DNAI3: variants seen among roughly 807,000 people sequenced by gnomAD.
DNAI3 encodes the protein dynein axonemal intermediate chain 3, also known as WD repeat domain 63.
In DNAI3, 83 loss-of-function variants were observed where a neutral mutation model predicts 115.5. The ratio of observed to expected loss-of-function variants is 0.72; its 90% CI spans 0.60 to 0.86. The LOEUF is 0.86. Ranked by LOEUF, DNAI3 falls within the 40% of genes least tolerant of loss-of-function variation. The pLI is 0.00. For missense variants in DNAI3, 1,004 were observed against 1,075.8 expected (o/e 0.93, Z 0.93); for synonymous variants, 320 against 347.0 (o/e 0.92, Z 0.86).
At position 85,132,848 on chromosome 1, in the gene DNAI3, C is replaced by G. The variant is rs1192132734; in HGVS notation, c.2533-7C>G. 19 of 1,610,386 alleles carry G rather than the reference C, an allele frequency of 1.2e-5. No individual in the cohort carries two copies. Among genetic ancestry groups the G allele is most frequent in the Non-Finnish European group, 1.6e-5 (19 of 1,178,848 alleles). On this transcript the variant is annotated splice_polypyrimidine_tract_variant and splice_region_variant and intron_variant, in intron 22 of 22. Transcript: ENST00000294664. Reference sequence around the variant, plus strand: ...ATAGGGATGTCTTGTTTTTCTTCCCCCCCCAGAAAACATATCAGAAGTCAA... The same window carrying G: ...ATAGGGATGTCTTGTTTTTCTTCCCGCCCCAGAAAACATATCAGAAGTCAA...
chr1:85,121,899 C>T (rs1030361322), intron 18 of DNAI3, 85 bp downstream of exon 18: 2 of 1,455,858 alleles, frequency 1.4e-6, no homozygotes, highest in Non-Finnish European at 1.9e-6. Context: ...TACAGAGTCA[C>T]CCTGGTCTTG....
intron 15 of DNAI3, among the ~76,000 whole-genome samples, chr1:85,109,236 GCTCT>G (rs976760370): frequency 1.3e-5 from 2 of 152,168 alleles, no homozygotes; most frequent in African/African-American, 4.8e-5. Context: ...AAACTTGATG[GCTCT>G]CTTTCTTTAG....
chr1:85,071,902 A>C lies in DNAI3; in HGVS notation c.-14-26A>C, dbSNP rs200629698. 7 of 1,581,154 alleles carry C rather than the reference A, an allele frequency of 4.4e-6. No homozygotes were observed. The Admixed American group carries it at 7.8e-5, about 18-fold the overall frequency. On this transcript the variant is annotated intron_variant, in intron 1 of 22. Coordinates refer to ENST00000294664, the MANE Select transcript of DNAI3 (RefSeq NM_145172.5). ...AGTTGTTTGCAAATTGTAACAATTT[A>C]CTAATAATATCATCTCTTTATGCAG...
intron 7 of DNAI3, among the ~76,000 whole-genome samples, chr1:85,089,805 G>A (rs1316600): frequency 1.3e-5 from 2 of 152,040 alleles, no homozygotes; most frequent in African/African-American, 2.4e-5. Flanking sequence ...AATAATTGAC[G>A]AATCTGGGTG....
intron 12 of DNAI3, among the ~76,000 whole-genome samples, chr1:85,098,193 G>A (rs1655184393): frequency 6.6e-6 from 1 of 152,152 alleles, no homozygotes; most frequent in South Asian, 2.1e-4. Context: ...CAGTTCTTCA[G>A]CCTTAACATC....
At chr1:85,113,347 TG>T (rs1373408071) in intron 16 of DNAI3, among the ~76,000 whole-genome samples, 2 of 152,238 alleles carry the variant, frequency 1.3e-5, no homozygotes, top group Non-Finnish European at 1.5e-5. Flanking sequence ...TCTAGTTTTA[TG>T]GTTTTACATT....
At chr1:85,075,082 T>A (rs2027365) in intron 3 of DNAI3, among the ~76,000 whole-genome samples, 28,268 of 152,074 alleles carry the variant, frequency 0.19, 2,771 homozygotes, top group South Asian at 0.26. Flanking sequence ...TTTGTAGAGA[T>A]GGGTTCTTGT....
chr1:85,099,906 A>C (rs1224148645), intron 13 of DNAI3, among the ~76,000 whole-genome samples: 12 of 152,146 alleles, frequency 7.9e-5, no homozygotes, highest in Non-Finnish European at 1.8e-4. Flanking sequence ...TGCTGGGAAA[A>C]CTGGCTAGCC....
Position 85,128,747 on chromosome 1 carries a change from C to G in DNAI3, c.2357C>G (p.Thr786Arg), listed in dbSNP as rs140503763. The G allele has an allele frequency of 5.9e-4, 949 of 1,612,606 alleles. 14 individuals are homozygous for G. In the Middle Eastern group the frequency reaches 7.9e-3, roughly 13 times the overall value. The change falls in exon 21 of 23, where the codon ACA becomes AGA. Residue 786 changes from threonine to arginine, a missense_variant. By Grantham distance (71) the Thr-to-Arg change is moderately conservative. Transcript: ENST00000294664. ...QFIATADYYG[T>R]LHILEIPWTL... ...ATAGCCACAGCTGATTATTATGGAA[C>G]ACTGCATATATTAGAAATTCCTTGG...
At chr1:85,116,639 T>G (rs1655825621) in intron 16 of DNAI3, among the ~76,000 whole-genome samples, 1 of 152,242 alleles carries the variant, frequency 6.6e-6, no homozygotes, top group Admixed American at 6.5e-5. Flanking sequence ...ATACATTAAA[T>G]GGGTACAAAA....
intron 22 of DNAI3, 161 bp downstream of exon 22, chr1:85,130,273 C>A: frequency 9.6e-7 from 1 of 1,043,930 alleles, no homozygotes; most frequent in Admixed American, 2.8e-5. Flanking sequence ...TCCTAGCTCA[C>A]TGCCAGTTAG....
At chr1:85,103,015 G>A (rs1287817306) in intron 13 of DNAI3, among the ~76,000 whole-genome samples, 3 of 152,138 alleles carry the variant, frequency 2.0e-5, no homozygotes, top group South Asian at 4.2e-4. Context: ...ATGAGTGGAA[G>A]TTGGTAGTTC....
chr1:85,109,910 A>C (rs768643880), intron 15 of DNAI3, 138 bp from the exon 16 acceptor site: 2 of 709,042 alleles, frequency 2.8e-6, no homozygotes, highest in Non-Finnish European at 4.6e-6. Flanking sequence ...TAGAAATTTG[A>C]GGGAGGAAAG....
intron 1 of DNAI3, 109 bp from the exon 2 acceptor site, chr1:85,071,819 T>A (rs4907131): frequency 0.87 from 991,071 of 1,135,430 alleles, 434,352 homozygotes; most frequent in South Asian, 0.91. Context: ...CCAGGGTAAA[T>A]CTTAGAAAAC....
chr1:85,110,155 T>TA lies in DNAI3; in HGVS notation c.1786+34dup, dbSNP rs376334573. 0.027 allele frequency: 37,171 copies of TA among 1,361,056 alleles called. 22 individuals carry two copies. The highest frequency in any genetic ancestry group is 0.046 in the African/African-American group (3,024 of 65,472). The allele number at this position is 1,361,056 out of a possible 1,614,324, so 84.3% of individuals were successfully genotyped here. On this transcript the variant is annotated intron_variant, in intron 16 of 22. Transcript: ENST00000294664. ...CACAAGGTAACTGCCTTTGCTTATT[T>TA]AAAAAAAAAAAAAAGGCCGGGCGCG...
chr1:85,095,881 A>C, intron 10 of DNAI3, 50 bp from the exon 11 acceptor site: 2,323 of 1,281,156 alleles, frequency 1.8e-3, no homozygotes, highest in Non-Finnish European at 2.4e-3. Context: ...TCTCGCCATG[A>C]TCTTAATCTC....
At position 85,132,123 on chromosome 1, in the gene DNAI3, C is replaced by T. The variant is rs1027963903; in HGVS notation, c.2533-732C>T. ...AACTAATGTTAGTCAGAAATGTCTC[C>T]TTCTAAGCAACGGCTGATAAAGGGG... On this transcript the variant is annotated intron_variant, in intron 22 of 22. Coordinates refer to ENST00000294664, the MANE Select transcript of DNAI3 (RefSeq NM_145172.5). 3.3e-5 allele frequency among the ~76,000 whole-genome samples: 5 copies of T among 152,194 alleles called. No homozygotes were observed. In the East Asian group the frequency reaches 9.6e-4, roughly 29 times the overall value.
intron 18 of DNAI3, among the ~76,000 whole-genome samples, chr1:85,122,453 A>C (rs1218679787): frequency 6.6e-6 from 1 of 152,230 alleles, no homozygotes; most frequent in African/African-American, 2.4e-5. Context: ...TATCTCTAGC[A>C]GGCTCAGAGC....
In DNAI3 at chr1:85,084,714, A is replaced by T. The variant is rs762335281; in HGVS notation, c.540+19A>T. The T allele has an allele frequency of 5.5e-6, 8 of 1,444,044 alleles. No homozygotes were observed. The highest frequency in any genetic ancestry group is 7.3e-6 in the Non-Finnish European group (8 of 1,092,796). The allele number at this position is 1,444,044 out of a possible 1,614,324, so 89.5% of individuals were successfully genotyped here. A position where few individuals can be genotyped will look rare whatever the true frequency, so the allele number is the denominator to read the frequency against. On this transcript the variant is annotated intron_variant, in intron 6 of 22. Transcript: ENST00000294664. Reference sequence around the variant, plus strand: ...AAAGCAGGTTAGAGGGTTATATATGATCTGTAATCATTACCTCCCTGTAGC... The same window carrying T: ...AAAGCAGGTTAGAGGGTTATATATGTTCTGTAATCATTACCTCCCTGTAGC...
Sources: allele counts gnomAD v4.1 joint callset (sites outside exome capture counted in the v4.1 genomes callset), GRCh38; gene constraint gnomAD v4.1.1; transcripts MANE v1.5; gene names NCBI Gene and HGNC (gene_info 2026-07-23, HGNC 2026-07-21).